Variants in SLC14A2 observed in about 807,000 individuals in gnomAD.
The protein encoded by SLC14A2 is urea transporter 2.
SLC14A2 carries 91 observed loss-of-function variants against 104.6 expected under a neutral mutation model. The observed-to-expected ratio is 0.87, with a 90% CI of 0.73 to 1.04. The LOEUF (loss-of-function observed/expected upper bound fraction) is 1.04. Among genes scored for constraint, SLC14A2 ranks in the 50% least tolerant of loss-of-function variants. The pLI, the probability that SLC14A2 is intolerant of heterozygous loss-of-function variation, is 0.00. For synonymous variants in SLC14A2, 476 were observed against 466.4 expected (o/e 1.02, Z -0.27); for missense variants, 1,189 against 1,156.0 (o/e 1.03, Z -0.41).
At chr18:45,437,182 C>T (rs577156345) in intron 1 of SLC14A2, among the ~76,000 whole-genome samples, 1 of 152,312 alleles carries the variant, frequency 6.6e-6, no homozygotes, top group Admixed American at 6.5e-5. Flanking sequence ...TTTTTATTGC[C>T]CTTTCAACAT....
chr18:45,262,244 C>A (rs1226547505), intron 1 of SLC14A2, among the ~76,000 whole-genome samples: 3 of 152,136 alleles, frequency 2.0e-5, no homozygotes, highest in East Asian at 1.9e-4. Flanking sequence ...TTAAGACAGC[C>A]TTATGAGGTC....
intron 1 of SLC14A2, among the ~76,000 whole-genome samples, chr18:45,334,676 A>G (rs1391387907): frequency 6.6e-6 from 1 of 152,110 alleles, no homozygotes; most frequent in Non-Finnish European, 1.5e-5. Flanking sequence ...TTATCCATAA[A>G]ATAGGTTAAA....
chr18:45,682,086 A>G (rs778161647), intron 19 of SLC14A2, among the ~76,000 whole-genome samples: 1 of 152,254 alleles, frequency 6.6e-6, no homozygotes, highest in African/African-American at 2.4e-5. Context: ...ATAAGGGCAT[A>G]TTAGCCCAAC....
chr18:45,680,101 G>A (rs1452511509), intron 19 of SLC14A2, among the ~76,000 whole-genome samples: 1 of 152,136 alleles, frequency 6.6e-6, no homozygotes, highest in African/African-American at 2.4e-5. Flanking sequence ...GTTGAATAGC[G>A]AAGCATCAGA....
chr18:45,391,577 T>C (rs1263380263), intron 1 of SLC14A2, among the ~76,000 whole-genome samples: 1 of 152,204 alleles, frequency 6.6e-6, no homozygotes. Flanking sequence ...CCACATCCTC[T>C]CCAGCACCTG....
intron 2 of SLC14A2, among the ~76,000 whole-genome samples, chr18:45,601,728 A>T (rs1187259735): frequency 6.6e-6 from 1 of 152,224 alleles, no homozygotes; most frequent in African/African-American, 2.4e-5. Flanking sequence ...TCTGAAATCA[A>T]TTGATCAGAC....
intron 5 of SLC14A2, 133 bp downstream of exon 5, chr18:45,632,611 A>C: frequency 1.2e-6 from 1 of 861,318 alleles, no homozygotes; most frequent in Non-Finnish European, 1.8e-6. Flanking sequence ...GTCTGACACC[A>C]TGAAAGCCCA....
intron 1 of SLC14A2, among the ~76,000 whole-genome samples, chr18:45,243,695 C>A (rs2084340389): frequency 6.6e-6 from 1 of 152,132 alleles, no homozygotes; most frequent in South Asian, 2.1e-4. Flanking sequence ...GAAGCACAGA[C>A]CCACTGGAAA....
At chr18:45,545,596 A>G (rs1285962898) in intron 2 of SLC14A2, among the ~76,000 whole-genome samples, 1 of 152,236 alleles carries the variant, frequency 6.6e-6, no homozygotes, top group African/African-American at 2.4e-5. Context: ...ACGCCATGAT[A>G]TTCAGTATTG....
chr18:45,360,728 C>T (rs1355169956), intron 1 of SLC14A2, among the ~76,000 whole-genome samples: 6 of 152,184 alleles, frequency 3.9e-5, no homozygotes, highest in Non-Finnish European at 5.9e-5. Context: ...TTAAAATAGG[C>T]GCTCATGATC....
At chr18:45,562,276 T>C (rs1414981657) in intron 2 of SLC14A2, among the ~76,000 whole-genome samples, 1 of 152,194 alleles carries the variant, frequency 6.6e-6, no homozygotes, top group Non-Finnish European at 1.5e-5. Flanking sequence ...CAGTGCCCAG[T>C]CTATACGTAA....
At chr18:45,418,281 G>A (rs117089487) in intron 1 of SLC14A2, among the ~76,000 whole-genome samples, 4,414 of 152,254 alleles carry the variant, frequency 0.029, 83 homozygotes, top group South Asian at 0.051. Context: ...AAAGAACCTG[G>A]ATAGTTACTG....
intron 1 of SLC14A2, among the ~76,000 whole-genome samples, chr18:45,331,677 C>T (rs1423067572): frequency 6.8e-5 from 10 of 147,948 alleles, no homozygotes; most frequent in East Asian, 2.0e-4. Context: ...GGTGACAGAG[C>T]GAGACTCCGT....
At chr18:45,321,734 AAG>A (rs2085187360) in intron 1 of SLC14A2, among the ~76,000 whole-genome samples, 1 of 152,212 alleles carries the variant, frequency 6.6e-6, no homozygotes, top group Non-Finnish European at 1.5e-5. Context: ...GCTAAATGCA[AAG>A]AGAACATTTG....
intron 1 of SLC14A2, among the ~76,000 whole-genome samples, chr18:45,439,465 T>G (rs1446002745): frequency 1.3e-5 from 2 of 152,180 alleles, no homozygotes; most frequent in African/African-American, 4.8e-5. Context: ...GTTTTCTTTT[T>G]GAAAAACTGT....
intron 1 of SLC14A2, among the ~76,000 whole-genome samples, chr18:45,307,218 A>C (rs1300319075): frequency 6.6e-6 from 1 of 151,976 alleles, no homozygotes; most frequent in African/African-American, 2.4e-5. Context: ...GGAGTTCAAA[A>C]CCAGCCTGGC....
chr18:45,624,520 G>A (rs1041500187), intron 1 of SLC14A2, 111 bp from the exon 2 acceptor site: 7 of 633,014 alleles, frequency 1.1e-5, no homozygotes, highest in Middle Eastern at 3.7e-4. Context: ...TAGATCCCAC[G>A]TGTGTCACTG....
In SLC14A2 at chr18:45,391,328, T is replaced by A. The variant is rs182017888; in HGVS notation, c.-124-91905T>A. Among the ~76,000 whole-genome samples, 856 of 152,342 alleles carry A rather than the reference T, an allele frequency of 5.6e-3. 28 individuals carry two copies. Among genetic ancestry groups the A allele is most frequent in the Admixed American group, 0.05 (772 of 15,302 alleles). The stretch of plus-strand genomic sequence containing the variant: ...ACTTTCTTAATCCAGTCTATCATTG[T>A]TGGACATTTGGCTTAGTTCCAAGTC... On this transcript the variant is annotated intron_variant, in intron 1 of 20. Coordinates refer to the SLC14A2 transcript ENST00000586448.
intron 1 of SLC14A2, among the ~76,000 whole-genome samples, chr18:45,263,170 C>T (rs530393141): frequency 1.3e-5 from 2 of 152,252 alleles, no homozygotes; most frequent in African/African-American, 4.8e-5. Context: ...AGTGTTTCCT[C>T]GTCTTTCATG....
Sources: gnomAD v4.1 joint callset for allele counts (sites outside exome capture counted in the v4.1 genomes callset) on GRCh38, gnomAD v4.1.1 for gene constraint, MANE v1.5 for transcripts, NCBI Gene and HGNC (gene_info 2026-07-23, HGNC 2026-07-21) for gene names.